CRTAC1: variants seen among roughly 807,000 people sequenced by gnomAD.
The protein encoded by CRTAC1 is cartilage acidic protein 1, also known as acidic secreted protein in cartilage.
CRTAC1 carries 37 observed loss-of-function variants against 67.8 expected under a neutral mutation model. The ratio of observed to expected loss-of-function variants is 0.55; its 90% CI spans 0.42 to 0.72. The LOEUF (loss-of-function observed/expected upper bound fraction) is 0.72, where lower values mean the gene tolerates loss of function less well. Among genes scored for constraint, CRTAC1 ranks in the 30% least tolerant of loss-of-function variants. The probability of loss-of-function intolerance (pLI) is 0.00; values close to 1 mark genes in which losing one functional copy is unlikely to be tolerated. For missense variants in CRTAC1, 780 were observed against 931.6 expected (o/e 0.84, Z 2.12); for synonymous variants, 348 against 371.0 (o/e 0.94, Z 0.71).
In CRTAC1 at chr10:98,030,591, C is replaced by T; in HGVS notation, c.-119G>A. ...CCGGTCCCGGGCTGGCCTCGAGCCTCCCGCCCCGACGCCGCGCGCTCGCTT... is the reference window on the plus strand; with the variant it reads ...CCGGTCCCGGGCTGGCCTCGAGCCTTCCGCCCCGACGCCGCGCGCTCGCTT... On this transcript the variant is annotated 5_prime_UTR_variant, in exon 1 of 15. Transcript: ENST00000370597. The surrounding 1 kb of genome is among the most constrained non-coding windows in gnomAD (Gnocchi z 4.2). The T allele has an allele frequency of 5.2e-6, 3 of 578,220 alleles. No homozygotes were observed. Among genetic ancestry groups the T allele is most frequent in the Admixed American group, 4.5e-5 (1 of 22,204 alleles). 35.8% of individuals were successfully genotyped at this position (578,220 alleles called of 1,614,324 possible). A position where few individuals can be genotyped will look rare whatever the true frequency, so the allele number is the denominator to read the frequency against.
At chr10:97,998,987 A>G (rs1014156264) in intron 2 of CRTAC1, among the ~76,000 whole-genome samples, 2 of 147,676 alleles carry the variant, frequency 1.4e-5, no homozygotes, top group Non-Finnish European at 3.0e-5. Context: ...CAATAGGGGT[A>G]AAAAAAAAAT....
intron 14 of CRTAC1, among the ~76,000 whole-genome samples, chr10:97,871,801 A>G (rs919904352): frequency 6.6e-6 from 1 of 152,228 alleles, no homozygotes; most frequent in African/African-American, 2.4e-5. Flanking sequence ...TCATAAAGAT[A>G]GAAGACAGAT....
chr10:97,970,800 A>G lies in CRTAC1; in HGVS notation c.225-34434T>C, dbSNP rs572300554. On this transcript the variant is annotated intron_variant, in intron 2 of 14. Coordinates refer to ENST00000370597, the MANE Select transcript of CRTAC1 (RefSeq NM_018058.7). ...GTTTGCAGCAGTCTCTCCAATGCCTAGATAGTGCCTGACACAGACGGGCAG... is the reference window on the plus strand; with the variant it reads ...GTTTGCAGCAGTCTCTCCAATGCCTGGATAGTGCCTGACACAGACGGGCAG... Among the ~76,000 whole-genome samples the G allele has an allele frequency of 2.0e-5, 3 of 152,378 alleles. No individual in the cohort carries two copies. In the South Asian group the frequency reaches 6.2e-4, roughly 32 times the overall value.
intron 2 of CRTAC1, among the ~76,000 whole-genome samples, chr10:97,939,777 G>A (rs533390033): frequency 1.3e-5 from 2 of 152,128 alleles, no homozygotes; most frequent in East Asian, 3.9e-4. Context: ...CCCCTCCCAC[G>A]GGGAATGCTT....
Position 97,901,620 on chromosome 10 carries a change from A to G in CRTAC1, c.1016T>C (p.Phe339Ser), listed in dbSNP as rs1251992554. ...VRFRDIASPKFSMPSPVRTVI... is the reference protein window; with the variant it reads ...VRFRDIASPKSSMPSPVRTVI... The stretch of plus-strand genomic sequence containing the variant: ...CGTGCGGACAGGGGAGGGCATGGAG[A>G]ACTTGGGTGAGGCGATGTCCTGGAG... Residue 339 changes from phenylalanine (F) to serine (S), a missense_variant, in exon 8 of 15, where the codon TTC (phenylalanine) becomes TCC (serine). By Grantham distance (155) the Phe-to-Ser change is radical. Transcript: ENST00000370597. 1 of 1,614,058 alleles carries G rather than the reference A, an allele frequency of 6.2e-7. No individual in the cohort carries two copies. The highest frequency in any genetic ancestry group is 1.3e-5 in the African/African-American group (1 of 74,998).
At chr10:97,942,262 T>C (rs1019717809) in intron 2 of CRTAC1, among the ~76,000 whole-genome samples, 2 of 152,210 alleles carry the variant, frequency 1.3e-5, no homozygotes, top group Non-Finnish European at 2.9e-5. Context: ...CTCTCCATCA[T>C]CCAGCCCATA....
rs2051052995 is a variant in CRTAC1, at chr10:97,934,582, C to T, written c.421+1588G>A. Among the ~76,000 whole-genome samples the T allele has an allele frequency of 3.9e-5, 6 of 152,138 alleles. No homozygotes were observed. The South Asian group carries it at 1.2e-3, about 31-fold the overall frequency. On this transcript the variant is annotated intron_variant, in intron 3 of 14. Transcript: ENST00000370597. ...CTGGATCCTGGTTTGGGCTCAACAA[C>T]CAGTAATGGTAATGTCGTGGCTCAG...
rs1158757505 is a variant in CRTAC1 at position 97,909,688 on chromosome 10, A to G, written c.716-1541T>C. Among the ~76,000 whole-genome samples the G allele has an allele frequency of 2.0e-5, 3 of 152,334 alleles. No individual in the cohort carries two copies. The East Asian group carries it at 5.8e-4, about 29-fold the overall frequency. On this transcript the variant is annotated intron_variant, in intron 5 of 14. Transcript: ENST00000370597. ...AATAGAACTGCCATATGATCCAGCA[A>G]TCCCACTACTAGGTATATATATCCA...
intron 2 of CRTAC1, among the ~76,000 whole-genome samples, chr10:97,989,796 C>G (rs1842404619): frequency 6.6e-6 from 1 of 152,162 alleles, no homozygotes; most frequent in South Asian, 2.1e-4. Context: ...TTCTAAGGTC[C>G]CACAGCTAGG....
chr10:97,906,078 C>A (rs1019552867), intron 6 of CRTAC1, among the ~76,000 whole-genome samples: 1 of 152,238 alleles, frequency 6.6e-6, no homozygotes, highest in African/African-American at 2.4e-5. Context: ...GATCAGAGAC[C>A]CCAGGACACA....
chr10:97,949,192 A>C (rs2051310438), intron 2 of CRTAC1, among the ~76,000 whole-genome samples: 1 of 152,188 alleles, frequency 6.6e-6, no homozygotes, highest in Admixed American at 6.5e-5. Context: ...CAAGTGAGAG[A>C]CTTACACATG....
At chr10:97,924,316 G>A (rs77885490) in intron 3 of CRTAC1, among the ~76,000 whole-genome samples, 10,496 of 152,238 alleles carry the variant, frequency 0.069, 437 homozygotes, top group African/African-American at 0.11. Context: ...GTAGTTTAGG[G>A]GGGTCCTCGT....
At chr10:97,908,376 G>A (rs2050644231) in intron 5 of CRTAC1, among the ~76,000 whole-genome samples, 3 of 152,158 alleles carry the variant, frequency 2.0e-5, no homozygotes, top group South Asian at 2.1e-4. Context: ...GAGCTCAACC[G>A]GGCATGGGGA....
chr10:97,953,893 G>T (rs773547337), intron 2 of CRTAC1, among the ~76,000 whole-genome samples: 11 of 152,212 alleles, frequency 7.2e-5, no homozygotes, highest in Non-Finnish European at 1.2e-4. Flanking sequence ...ATACCAGTGA[G>T]TGCAGAACTA....
At chr10:97,958,656 G>A (rs922399179) in intron 2 of CRTAC1, among the ~76,000 whole-genome samples, 1 of 152,084 alleles carries the variant, frequency 6.6e-6, no homozygotes, top group Non-Finnish European at 1.5e-5. Flanking sequence ...AGGGGTTTTG[G>A]AGCACACCCT....
chr10:98,008,837 T>C (rs1355780372), intron 2 of CRTAC1, among the ~76,000 whole-genome samples: 1 of 152,138 alleles, frequency 6.6e-6, no homozygotes, highest in Non-Finnish European at 1.5e-5. Context: ...CCATTCTCTG[T>C]CCTCTGTCAG....
chr10:97,889,321 G>T (rs1021009279), intron 11 of CRTAC1, among the ~76,000 whole-genome samples: 1 of 152,082 alleles, frequency 6.6e-6, no homozygotes, highest in Non-Finnish European at 1.5e-5. Flanking sequence ...GGTGGGTTCC[G>T]AGCAACCAGG....
intron 2 of CRTAC1, among the ~76,000 whole-genome samples, chr10:97,974,983 G>C (rs1203507774): frequency 2.0e-5 from 3 of 152,032 alleles, no homozygotes; most frequent in East Asian, 1.9e-4. Context: ...AGCGGGCAGT[G>C]GGGGAGGAGG....
At chr10:97,972,886 G>A (rs1310817770) in intron 2 of CRTAC1, among the ~76,000 whole-genome samples, 2 of 152,094 alleles carry the variant, frequency 1.3e-5, no homozygotes, top group African/African-American at 4.8e-5. Context: ...AGACATTGAT[G>A]GAATTCCAAG....
Sources: gnomAD v4.1 joint callset for allele counts (sites outside exome capture counted in the v4.1 genomes callset) on GRCh38, gnomAD v4.1.1 for gene constraint, Gnocchi (gnomAD v3.1) non-coding constraint, MANE v1.5 for transcripts, NCBI Gene and HGNC (gene_info 2026-07-23, HGNC 2026-07-21) for gene names.